ASIC2: variants seen among roughly 807,000 people sequenced by gnomAD.
ASIC2 encodes the protein acid sensing ion channel subunit 2, also known as acid-sensing ion channel 2.
A neutral mutation model predicts 57.3 loss-of-function variants in ASIC2; 25 were observed. The ratio of observed to expected loss-of-function variants is 0.44; its 90% CI spans 0.32 to 0.61. The LOEUF (loss-of-function observed/expected upper bound fraction) is 0.61, where lower values mean the gene tolerates loss of function less well. Ranked by LOEUF, ASIC2 falls within the 20% of genes least tolerant of loss-of-function variation. The pLI is 0.06. For missense variants in ASIC2, 641 were observed against 738.1 expected (o/e 0.87, Z 1.52); for synonymous variants, 319 against 307.5 (o/e 1.04, Z -0.39).
chr17:33,494,816 G>T (rs1434808606), intron 1 of ASIC2, among the ~76,000 whole-genome samples: 1 of 152,172 alleles, frequency 6.6e-6, no homozygotes, highest in African/African-American at 2.4e-5. Flanking sequence ...GCTCACATGA[G>T]CTCTGCAGGT....
chr17:33,283,070 C>A (rs995827692), intron 1 of ASIC2, among the ~76,000 whole-genome samples: 18 of 152,236 alleles, frequency 1.2e-4, no homozygotes, highest in African/African-American at 4.3e-4. Context: ...TAGGCCCTGG[C>A]CCTCTGTTAA....
chr17:33,717,959 T>C (rs1258871492), intron 1 of ASIC2, among the ~76,000 whole-genome samples: 1 of 152,166 alleles, frequency 6.6e-6, no homozygotes, highest in Admixed American at 6.5e-5. Flanking sequence ...AAAAGGAGTG[T>C]TGAAGTGACC....
At chr17:33,246,874 T>C (rs539395267) in intron 1 of ASIC2, among the ~76,000 whole-genome samples, 13 of 152,242 alleles carry the variant, frequency 8.5e-5, no homozygotes, top group African/African-American at 2.4e-4. Flanking sequence ...CTGATTCTCA[T>C]TGAGGGTTCC....
chr17:33,164,228 C>A (rs1905241639), intron 1 of ASIC2, among the ~76,000 whole-genome samples: 1 of 152,192 alleles, frequency 6.6e-6, no homozygotes, highest in Admixed American at 6.5e-5. Flanking sequence ...CCCTTCTCTT[C>A]CTGGCCTGCC....
At chr17:33,057,790 T>G (rs2092003984) in intron 3 of ASIC2, among the ~76,000 whole-genome samples, 3 of 152,170 alleles carry the variant, frequency 2.0e-5, no homozygotes, top group Admixed American at 2.0e-4. Context: ...CCTCAGTGGT[T>G]AAGTCAGCCC....
chr17:33,060,881 C>T (rs1319057642), intron 3 of ASIC2, among the ~76,000 whole-genome samples: 2 of 152,122 alleles, frequency 1.3e-5, no homozygotes, highest in East Asian at 1.9e-4. Context: ...CTTCTCATCC[C>T]TTGTAAGTTG....
intron 1 of ASIC2, among the ~76,000 whole-genome samples, chr17:33,256,894 A>T (rs1327588632): frequency 6.6e-6 from 1 of 152,070 alleles, no homozygotes. Flanking sequence ...GGAATATGGG[A>T]GGAGGCCATT....
intron 1 of ASIC2, among the ~76,000 whole-genome samples, chr17:33,569,774 T>C (rs957602245): frequency 6.6e-6 from 1 of 152,198 alleles, no homozygotes; most frequent in Admixed American, 6.5e-5. Context: ...CCATAATTCA[T>C]CCATGAACCC....
chr17:34,037,304 T>G (rs1006354472), intron 1 of ASIC2: 5 of 229,968 alleles, frequency 2.2e-5, no homozygotes, highest in East Asian at 9.7e-5. Context: ...AGTCTGCATG[T>G]TTTCAAGTTC....
intron 1 of ASIC2, among the ~76,000 whole-genome samples, chr17:33,745,089 C>A (rs888805012): frequency 1.3e-5 from 2 of 152,174 alleles, no homozygotes; most frequent in African/African-American, 4.8e-5. Flanking sequence ...AAATAAATTT[C>A]ACAAAAATCT....
intron 1 of ASIC2, among the ~76,000 whole-genome samples, chr17:33,276,704 A>G (rs7225230): frequency 0.34 from 51,080 of 152,082 alleles, 8,736 homozygotes; most frequent in Admixed American, 0.42. Flanking sequence ...TCATATAAAG[A>G]CAAAGGAAAG....
At chr17:33,462,123 G>A (rs1036350655) in intron 1 of ASIC2, among the ~76,000 whole-genome samples, 2 of 152,174 alleles carry the variant, frequency 1.3e-5, no homozygotes, top group African/African-American at 4.8e-5. Flanking sequence ...AGAGGGGCCA[G>A]GCTTTGGGAA....
chr17:34,001,943 A>G (rs1452374183), intron 1 of ASIC2: 3 of 152,190 alleles, frequency 2.0e-5, no homozygotes, highest in Non-Finnish European at 4.4e-5. Flanking sequence ...CATTACTTCT[A>G]TGTGTGTCTT....
chr17:33,868,453 C>G (rs1351075303), intron 1 of ASIC2, among the ~76,000 whole-genome samples: 1 of 151,754 alleles, frequency 6.6e-6, no homozygotes, highest in African/African-American at 2.4e-5. Context: ...AGTTTTAATG[C>G]AAAATGGATC....
At chr17:33,734,843 G>A (rs1909861878) in intron 1 of ASIC2, among the ~76,000 whole-genome samples, 1 of 152,106 alleles carries the variant, frequency 6.6e-6, no homozygotes, top group Non-Finnish European at 1.5e-5. Context: ...ATTCATTTTA[G>A]ACTTCCAGTC....
intron 1 of ASIC2, among the ~76,000 whole-genome samples, chr17:34,079,484 A>G (rs562111154): frequency 1.2e-4 from 19 of 152,272 alleles, no homozygotes; most frequent in African/African-American, 4.3e-4. Flanking sequence ...TAGACCAGGT[A>G]CCTCACTTGT....
intron 1 of ASIC2, chr17:33,794,783 T>C (rs1184752840): frequency 6.6e-6 from 1 of 152,072 alleles, no homozygotes; most frequent in Non-Finnish European, 1.5e-5. Flanking sequence ...AAACATAAAA[T>C]CAGCTCATTG....
intron 1 of ASIC2, among the ~76,000 whole-genome samples, chr17:33,418,024 A>ATGTG (rs57341033): frequency 0.016 from 1,800 of 110,040 alleles, 18 homozygotes; most frequent in African/African-American, 0.021. Context: ...CTCAGCATGT[A>ATGTG]TGTATGTGTG....
chr17:33,270,282 T>G (rs1309768701), intron 1 of ASIC2, among the ~76,000 whole-genome samples: 1 of 152,198 alleles, frequency 6.6e-6, no homozygotes, highest in African/African-American at 2.4e-5. Context: ...GCCTCCATAC[T>G]GATTATAGAG....
Sources: allele counts gnomAD v4.1 joint callset (sites outside exome capture counted in the v4.1 genomes callset), GRCh38; gene constraint gnomAD v4.1.1; transcripts MANE v1.5; gene names NCBI Gene and HGNC (gene_info 2026-07-23, HGNC 2026-07-21).